ADCK1: variants seen among roughly 807,000 people sequenced by gnomAD.
ADCK1 encodes the protein aarF domain-containing protein kinase 1.
In ADCK1, 41 loss-of-function variants were observed where a neutral mutation model predicts 52.3. The observed-to-expected ratio is 0.78, with a 90% CI of 0.61 to 1.02. ADCK1 has a LOEUF of 1.02. Among genes scored for constraint, ADCK1 ranks in the 50% least tolerant of loss-of-function variants. ADCK1 has a pLI of 0.00. For synonymous variants in ADCK1, 250 were observed against 274.6 expected, an observed-to-expected ratio of 0.91 and a Z score of 0.89; for missense variants, 658 against 679.5, an observed-to-expected ratio of 0.97 and a Z score of 0.35.
At chr14:77,924,429 G>A (rs1206124443) in intron 7 of ADCK1, 28 bp from the exon 8 acceptor site, 1 of 1,611,754 alleles carries the variant, frequency 6.2e-7, no homozygotes, top group Admixed American at 1.7e-5. Flanking sequence ...GTGGAGAGGA[G>A]CTCCCACCTG....
chr14:77,925,348 G>A (rs944706762), intron 8 of ADCK1, among the ~76,000 whole-genome samples: 4 of 152,238 alleles, frequency 2.6e-5, no homozygotes, highest in Admixed American at 1.3e-4. Flanking sequence ...AGCCTCACCA[G>A]AGGTGATGGT....
At chr14:77,897,536 A>G (rs1595047113) in intron 5 of ADCK1, among the ~76,000 whole-genome samples, 1 of 152,292 alleles carries the variant, frequency 6.6e-6, no homozygotes, top group East Asian at 1.9e-4. Flanking sequence ...AATGCCAGAT[A>G]CATCTTCTAA....
chr14:77,922,709 G>T (rs142003860), intron 7 of ADCK1, among the ~76,000 whole-genome samples: 2 of 152,174 alleles, frequency 1.3e-5, no homozygotes, highest in South Asian at 4.1e-4. Context: ...ATCTTGGCTC[G>T]ACCCTTTTCT....
intron 6 of ADCK1, 102 bp downstream of exon 6, chr14:77,899,360 A>G: frequency 2.7e-6 from 4 of 1,460,008 alleles, no homozygotes. Context: ...TAATTGGGAC[A>G]TCTTCTTCCT....
At position 77,811,946 on chromosome 14, in the gene ADCK1, G is replaced by A. The variant is rs543974072; in HGVS notation, c.-11-7022G>A. 1.1e-4 allele frequency among the ~76,000 whole-genome samples: 16 copies of A among 152,300 alleles called. No individual in the cohort carries two copies. In the South Asian group the frequency reaches 2.9e-3, roughly 28 times the overall value. On this transcript the variant is annotated intron_variant, in intron 1 of 10. Coordinates refer to ENST00000238561, the MANE Select transcript of ADCK1 (RefSeq NM_020421.4). ...GAAATATCAAGGAAATAAAGAGCAT[G>A]CTAGAAAGCAAGGTTTTAATTTATT...
Position 77,899,219 on chromosome 14 carries a change from G to A in ADCK1, c.702G>A (p.Glu234=). 6.2e-7 allele frequency: 1 copy of A among 1,614,190 alleles called. No homozygotes were observed. The highest frequency in any genetic ancestry group is 1.1e-5 in the South Asian group (1 of 91,074). Reference sequence around the variant, plus strand: ...TCCTCAATGAAGGGAGGAATGCTGAGAAGGTGTCCCAGATGCTCAGGCATT... The same window carrying A: ...TCCTCAATGAAGGGAGGAATGCTGAAAAGGTGTCCCAGATGCTCAGGCATT... ...LDFLNEGRNA[E]KVSQMLRHFD... The change falls in exon 6 of 11, where the codon GAG becomes GAA. Residue 234 remains glutamate, a synonymous_variant. Transcript: ENST00000238561.
chr14:77,803,523 C>G (rs1197528653), intron 1 of ADCK1, among the ~76,000 whole-genome samples: 1 of 152,164 alleles, frequency 6.6e-6, no homozygotes, highest in African/African-American at 2.4e-5. Flanking sequence ...TTGTACGTCC[C>G]AGACTCTCCT....
intron 4 of ADCK1, among the ~76,000 whole-genome samples, chr14:77,884,154 T>TCTGAGAG (rs1449261283): frequency 2.0e-5 from 3 of 152,226 alleles, no homozygotes; most frequent in Middle Eastern, 3.2e-3. Context: ...TGAGCACATG[T>TCTGAGAG]TCCTGGGAGT....
intron 6 of ADCK1, chr14:77,900,701 T>C (rs1208786993): frequency 9.4e-6 from 4 of 424,290 alleles, no homozygotes; most frequent in Non-Finnish European, 1.9e-5. Flanking sequence ...TATTCCAATG[T>C]GGCACGGCTC....
chr14:77,852,923 T>A (rs1160337900), intron 3 of ADCK1, among the ~76,000 whole-genome samples: 44 of 36,558 alleles, frequency 1.2e-3, no homozygotes, highest in Admixed American at 2.0e-3. Context: ...TTTTTTTTTT[T>A]TTTTTTTTAG....
intron 5 of ADCK1, among the ~76,000 whole-genome samples, chr14:77,887,775 G>A (rs61990740): frequency 1.2e-3 from 176 of 152,326 alleles, no homozygotes; most frequent in Non-Finnish European, 2.0e-3. Flanking sequence ...AAAACCCTTA[G>A]TGGACTTTTC....
chr14:77,872,876 A>T (rs900058517), intron 4 of ADCK1, among the ~76,000 whole-genome samples: 1 of 152,026 alleles, frequency 6.6e-6, no homozygotes, highest in Non-Finnish European at 1.5e-5. Flanking sequence ...GGATTTTGTC[A>T]TATTGGCCAG....
chr14:77,856,135 G>A (rs114361042), intron 3 of ADCK1, among the ~76,000 whole-genome samples: 1,723 of 152,150 alleles, frequency 0.011, 32 homozygotes, highest in African/African-American at 0.04. Context: ...ACTTGAACCC[G>A]GAAAGCAGAG....
At chr14:77,904,531 G>A (rs2083615039) in intron 6 of ADCK1, among the ~76,000 whole-genome samples, 1 of 152,272 alleles carries the variant, frequency 6.6e-6, no homozygotes, top group African/African-American at 2.4e-5. Context: ...GCCAGGCGCA[G>A]CCTGTTTCGT....
At position 77,805,972 on chromosome 14, in the gene ADCK1, A is replaced by G. The variant is rs548122488; in HGVS notation, c.-12+5802A>G. Among the ~76,000 whole-genome samples, 26 of 146,952 alleles carry G rather than the reference A, an allele frequency of 1.8e-4. No homozygotes were observed. The East Asian group carries it at 2.6e-3, about 15-fold the overall frequency. On this transcript the variant is annotated intron_variant, in intron 1 of 10. Coordinates refer to ENST00000238561, the MANE Select transcript of ADCK1 (RefSeq NM_020421.4). Reference sequence around the variant, plus strand: ...TAGCAGAGTTCTGGTTCCTCCCATAATCCTATTCTTACGGCTTTTTTTTTT... The same window carrying G: ...TAGCAGAGTTCTGGTTCCTCCCATAGTCCTATTCTTACGGCTTTTTTTTTT...
intron 3 of ADCK1, among the ~76,000 whole-genome samples, chr14:77,840,561 A>T (rs2082045804): frequency 1.3e-5 from 2 of 152,098 alleles, no homozygotes; most frequent in African/African-American, 4.8e-5. Context: ...TTAAGAAATT[A>T]AACTGGCCGT....
At chr14:77,914,614 G>A in intron 7 of ADCK1, 2 of 984,064 alleles carry the variant, frequency 2.0e-6, no homozygotes, top group Non-Finnish European at 2.4e-6. Context: ...GGGTTTCAAA[G>A]TTAGGGCCCC....
At chr14:77,812,492 A>G (rs1001871243) in intron 1 of ADCK1, among the ~76,000 whole-genome samples, 4 of 150,724 alleles carry the variant, frequency 2.7e-5, no homozygotes, top group African/African-American at 7.4e-5. Flanking sequence ...ATAATATTCC[A>G]TAGTGTGTGT....
chr14:77,896,272 G>A (rs1299058971), intron 5 of ADCK1, among the ~76,000 whole-genome samples: 1 of 152,176 alleles, frequency 6.6e-6, no homozygotes, highest in Non-Finnish European at 1.5e-5. Flanking sequence ...TAAATGATGA[G>A]GAATTACTGT....
Sources: gnomAD v4.1 joint callset for allele counts (sites outside exome capture counted in the v4.1 genomes callset) on GRCh38, gnomAD v4.1.1 for gene constraint, MANE v1.5 for transcripts, NCBI Gene and HGNC (gene_info 2026-07-23, HGNC 2026-07-21) for gene names.